CDC42BPB: variants seen among roughly 807,000 people sequenced by gnomAD.
The protein encoded by CDC42BPB is CDC42 binding protein kinase beta.
Under a neutral mutation model 214.9 loss-of-function variants are expected in CDC42BPB, and 37 were observed. That is an observed-to-expected ratio of 0.17 (90% CI 0.13 to 0.23). The LOEUF (loss-of-function observed/expected upper bound fraction) is 0.23, where lower values mean the gene tolerates loss of function less well. Among genes scored for constraint, CDC42BPB ranks in the 10% least tolerant of loss-of-function variants. The pLI, the probability that CDC42BPB is intolerant of heterozygous loss-of-function variation, is 1.00. For missense variants in CDC42BPB, 1,694 were observed against 2,227.0 expected (o/e 0.76, Z 4.82); for synonymous variants, 931 against 884.0 (o/e 1.05, Z -0.94).
intron 1 of CDC42BPB, among the ~76,000 whole-genome samples, chr14:103,020,912 T>C (rs112638738): frequency 6.6e-6 from 1 of 152,344 alleles, no homozygotes; most frequent in African/African-American, 2.4e-5. Context: ...CTAAGCTCTT[T>C]TGTAAGATGT....
intron 5 of CDC42BPB, among the ~76,000 whole-genome samples, chr14:102,991,066 AT>A: frequency 6.6e-6 from 1 of 152,356 alleles, no homozygotes; most frequent in South Asian, 2.1e-4. Flanking sequence ...TCTGGAGGAA[AT>A]TTTAAAGAGG....
chr14:102,951,893 A>G (rs1415184589), intron 24 of CDC42BPB, among the ~76,000 whole-genome samples: 1 of 152,236 alleles, frequency 6.6e-6, no homozygotes, highest in Non-Finnish European at 1.5e-5. Context: ...GTTTTACACA[A>G]TTACTTTTCC....
intron 5 of CDC42BPB, among the ~76,000 whole-genome samples, chr14:102,996,373 C>T (rs1044183301): frequency 1.3e-5 from 2 of 152,046 alleles, no homozygotes; most frequent in Non-Finnish European, 2.9e-5. Context: ...GAGGAGAACG[C>T]TTTCTATTTA....
At chr14:103,009,006 G>A (rs1346902869) in intron 2 of CDC42BPB, among the ~76,000 whole-genome samples, 1 of 152,208 alleles carries the variant, frequency 6.6e-6, no homozygotes, top group African/African-American at 2.4e-5. Context: ...ACCAAATCTT[G>A]AATAAGCTCT....
chr14:103,033,250 A>C (rs528820505), intron 1 of CDC42BPB, among the ~76,000 whole-genome samples: 1 of 151,896 alleles, frequency 6.6e-6, no homozygotes, highest in Admixed American at 6.6e-5. Context: ...GAGACGGAGT[A>C]TCGCTCTGTC....
At chr14:102,976,838 T>C (rs932196080) in intron 9 of CDC42BPB, among the ~76,000 whole-genome samples, 8 of 152,180 alleles carry the variant, frequency 5.3e-5, no homozygotes, top group Admixed American at 3.9e-4. Flanking sequence ...ACTACAGCCA[T>C]GGGCTTGGGA....
At chr14:102,989,663 G>C (rs1260975271) in intron 5 of CDC42BPB, among the ~76,000 whole-genome samples, 1 of 152,062 alleles carries the variant, frequency 6.6e-6, no homozygotes, top group Non-Finnish European at 1.5e-5. Context: ...GCCTGAGGTT[G>C]GGAGTTTGAG....
At chr14:102,996,609 T>C (rs1315179567) in intron 5 of CDC42BPB, among the ~76,000 whole-genome samples, 1 of 151,996 alleles carries the variant, frequency 6.6e-6, no homozygotes, top group Non-Finnish European at 1.5e-5. Flanking sequence ...GGTCAGGAGT[T>C]CTAGACCAGC....
intron 12 of CDC42BPB, among the ~76,000 whole-genome samples, chr14:102,972,788 C>G (rs907300559): frequency 1.5e-4 from 23 of 148,772 alleles, no homozygotes; most frequent in Admixed American, 6.8e-4. Context: ...GGAGGACGCT[C>G]CGTAATGTCA....
At chr14:102,967,724 C>T (rs539240611) in intron 16 of CDC42BPB, among the ~76,000 whole-genome samples, 8 of 152,214 alleles carry the variant, frequency 5.3e-5, no homozygotes, top group Non-Finnish European at 1.2e-4. Flanking sequence ...GTATTATGAT[C>T]GTACGGGACG....
rs887410248 is a variant in CDC42BPB at position 102,970,061 on chromosome 14, A to G, written c.1995+90T>C. On this transcript the variant is annotated intron_variant, in intron 14 of 36. Transcript: ENST00000361246. ...CCTCGGGTGACACTCGGCCCGGACC[A>G]CACATTACACAAGGTGACTTCCATG... 3 of 1,050,642 alleles carry G rather than the reference A, an allele frequency of 2.9e-6. No homozygotes were observed. The African/African-American group carries it at 4.7e-5, about 16-fold the overall frequency. The allele number at this position is 1,050,642 out of a possible 1,614,324, so 65.1% of individuals were successfully genotyped here. A position where few individuals can be genotyped will look rare whatever the true frequency, so the allele number is the denominator to read the frequency against.
intron 18 of CDC42BPB, among the ~76,000 whole-genome samples, chr14:102,965,275 T>C (rs967167629): frequency 6.6e-6 from 1 of 151,986 alleles, no homozygotes; most frequent in African/African-American, 2.4e-5. Flanking sequence ...CCCTGGACCC[T>C]TTTACAAACC....
chr14:102,985,697 T>C (rs1033227746), intron 6 of CDC42BPB, among the ~76,000 whole-genome samples: 2 of 152,244 alleles, frequency 1.3e-5, no homozygotes, highest in Non-Finnish European at 2.9e-5. Flanking sequence ...AGAAAGGGAT[T>C]GCTCTCTCGG....
intron 14 of CDC42BPB, 116 bp downstream of exon 14, chr14:102,970,035 G>A (rs1227785503): frequency 2.5e-6 from 2 of 792,214 alleles, no homozygotes; most frequent in South Asian, 1.7e-5. Context: ...TGTCTGAACA[G>A]CCTCGGGTGA....
At chr14:102,980,689 T>G in intron 8 of CDC42BPB, 84 bp downstream of exon 8, 1 of 1,336,904 alleles carries the variant, frequency 7.5e-7, no homozygotes, top group Admixed American at 1.7e-5. Context: ...TATGGTGTAC[T>G]GACTTGATAA....
intron 3 of CDC42BPB, among the ~76,000 whole-genome samples, chr14:103,008,265 G>T (rs978689278): frequency 1.3e-4 from 20 of 152,234 alleles, no homozygotes; most frequent in Non-Finnish European, 2.8e-4. Flanking sequence ...CAGGAACAGT[G>T]TCCAGCAAGC....
chr14:102,946,870 G>C, intron 27 of CDC42BPB, 186 bp from the exon 28 acceptor site: 1 of 985,438 alleles, frequency 1.0e-6, no homozygotes, highest in Non-Finnish European at 1.2e-6. Context: ...ACACGGAAGG[G>C]GCGGGGTTCT....
Position 102,968,307 on chromosome 14 carries a change from T to C in CDC42BPB, c.2292A>G (p.Arg764=). The change falls in exon 16 of 37, where the codon CGA becomes CGG. Residue 764 remains arginine (R), a synonymous_variant. Coordinates refer to ENST00000361246, the MANE Select transcript of CDC42BPB (RefSeq NM_006035.4). ...AVGTIKDKYE[R]ERAMLFDENK... ...TTTCATCAAACAGCATCGCTCTTTCTCGTTCGTATTTATCTTTTATTGTAC... is the reference window on the plus strand; with the variant it reads ...TTTCATCAAACAGCATCGCTCTTTCCCGTTCGTATTTATCTTTTATTGTAC... 1 of 1,614,158 alleles carries C rather than the reference T, an allele frequency of 6.2e-7. No individual in the cohort carries two copies. The highest frequency in any genetic ancestry group is 2.2e-5 in the East Asian group (1 of 44,892).
At chr14:103,056,216 T>G (rs1344220123) in intron 1 of CDC42BPB, among the ~76,000 whole-genome samples, 1 of 151,950 alleles carries the variant, frequency 6.6e-6, no homozygotes, top group Non-Finnish European at 1.5e-5. Context: ...AGTTTCTAAG[T>G]GATAGCTCCA....
Sources: allele counts gnomAD v4.1 joint callset (sites outside exome capture counted in the v4.1 genomes callset), GRCh38; gene constraint gnomAD v4.1.1; transcripts MANE v1.5; gene names NCBI Gene and HGNC (gene_info 2026-07-23, HGNC 2026-07-21).